Variants in RABGAP1L observed in about 807,000 individuals in gnomAD.
The protein encoded by RABGAP1L is rab GTPase-activating protein 1-like.
RABGAP1L carries 63 observed loss-of-function variants against 137.7 expected under a neutral mutation model. The ratio of observed to expected loss-of-function variants is 0.46; its 90% confidence interval spans 0.37 to 0.56. The LOEUF (loss-of-function observed/expected upper bound fraction) is 0.56. Among genes scored for constraint, RABGAP1L ranks in the 20% least tolerant of loss-of-function variants. The probability of loss-of-function intolerance (pLI) is 0.00; values close to 1 mark genes in which losing one functional copy is unlikely to be tolerated. For synonymous variants in RABGAP1L, 431 were observed against 433.7 expected, an observed-to-expected ratio of 0.99 and a Z score of 0.08; for missense variants, 1,095 against 1,244.0, an observed-to-expected ratio of 0.88 and a Z score of 1.80.
intron 13 of RABGAP1L, among the ~76,000 whole-genome samples, chr1:174,580,912 A>G (rs189887050): frequency 1.0e-3 from 156 of 152,354 alleles, no homozygotes; most frequent in African/African-American, 3.4e-3. Flanking sequence ...ACAAATGGCC[A>G]GCTAGCACAT....
chr1:174,675,533 GCTTTGTT>G (rs1161260112), intron 14 of RABGAP1L, among the ~76,000 whole-genome samples: 2 of 151,656 alleles, frequency 1.3e-5, no homozygotes, highest in Non-Finnish European at 2.9e-5. Flanking sequence ...GATGCCTCCA[GCTTTGTT>G]CTTTTGGCTT....
chr1:174,396,303 A>G (rs980877279), intron 13 of RABGAP1L, among the ~76,000 whole-genome samples: 1 of 152,106 alleles, frequency 6.6e-6, no homozygotes, highest in African/African-American at 2.4e-5. Flanking sequence ...ACACTTCTAA[A>G]TGGTGAATTT....
At chr1:174,297,657 A>C (rs1206586622) in intron 10 of RABGAP1L, among the ~76,000 whole-genome samples, 1 of 152,206 alleles carries the variant, frequency 6.6e-6, no homozygotes, top group Non-Finnish European at 1.5e-5. Flanking sequence ...GGGAAATGGC[A>C]GAGCTCCCTC....
intron 13 of RABGAP1L, among the ~76,000 whole-genome samples, chr1:174,537,343 C>T (rs6668096): frequency 3.4e-4 from 52 of 151,884 alleles, no homozygotes; most frequent in Non-Finnish European, 6.2e-4. Context: ...ACCTATGCTG[C>T]GTATAAAGGA....
At chr1:174,989,778 C>T in intron 25 of RABGAP1L, 71 bp from the exon 26 acceptor site, 1 of 1,484,802 alleles carries the variant, frequency 6.7e-7, no homozygotes, top group Non-Finnish European at 9.1e-7. Context: ...CAAAAAGCTG[C>T]ACACTTTTAT....
chr1:174,572,767 A>G (rs1188457048), intron 13 of RABGAP1L, among the ~76,000 whole-genome samples: 1 of 152,202 alleles, frequency 6.6e-6, no homozygotes, highest in Non-Finnish European at 1.5e-5. Context: ...AACTCAAGAA[A>G]AAGGATGCAC....
At chr1:174,197,004 G>A (rs1667739355) in intron 1 of RABGAP1L, among the ~76,000 whole-genome samples, 2 of 152,112 alleles carry the variant, frequency 1.3e-5, no homozygotes, top group Non-Finnish European at 1.5e-5. Flanking sequence ...AAAAATGAAA[G>A]GTGGCAATAT....
intron 13 of RABGAP1L, among the ~76,000 whole-genome samples, chr1:174,430,215 C>G (rs1652458638): frequency 6.6e-6 from 1 of 151,954 alleles, no homozygotes; most frequent in Non-Finnish European, 1.5e-5. Flanking sequence ...AACTCCATCT[C>G]TACAAAAAAT....
intron 1 of RABGAP1L, among the ~76,000 whole-genome samples, chr1:174,205,979 GAT>G (rs918791443): frequency 6.6e-6 from 1 of 152,166 alleles, no homozygotes; most frequent in Non-Finnish European, 1.5e-5. Context: ...ATGACTCAGG[GAT>G]ATGACTTGGT....
chr1:174,715,876 C>G (rs1680960709), intron 17 of RABGAP1L, among the ~76,000 whole-genome samples: 1 of 152,162 alleles, frequency 6.6e-6, no homozygotes, highest in Non-Finnish European at 1.5e-5. Context: ...CCTGATGCTC[C>G]TGGTATTCTT....
intron 19 of RABGAP1L, among the ~76,000 whole-genome samples, chr1:174,938,202 A>G (rs562430246): frequency 3.5e-4 from 54 of 152,188 alleles, no homozygotes; most frequent in Non-Finnish European, 7.1e-4. Context: ...ACTTGAATTC[A>G]GGTGATTTGG....
intron 17 of RABGAP1L, among the ~76,000 whole-genome samples, chr1:174,743,265 C>T (rs1683596151): frequency 6.6e-6 from 1 of 152,092 alleles, no homozygotes; most frequent in Non-Finnish European, 1.5e-5. Flanking sequence ...ATGAGGGGCC[C>T]TCATCTCATT....
intron 14 of RABGAP1L, among the ~76,000 whole-genome samples, chr1:174,649,848 T>C (rs1675311460): frequency 1.3e-5 from 2 of 152,160 alleles, no homozygotes; most frequent in South Asian, 4.1e-4. Context: ...CTGATTGCCC[T>C]GGCCAGAACT....
intron 13 of RABGAP1L, among the ~76,000 whole-genome samples, chr1:174,598,797 G>A (rs1038222257): frequency 4.0e-5 from 6 of 151,314 alleles, no homozygotes; most frequent in African/African-American, 1.5e-4. Context: ...TGTCTTTATT[G>A]ATGAAATATT....
chr1:174,398,463 T>G (rs1364953710), intron 13 of RABGAP1L, among the ~76,000 whole-genome samples: 1 of 152,084 alleles, frequency 6.6e-6, no homozygotes, highest in Non-Finnish European at 1.5e-5. Context: ...ATCATCTGAT[T>G]AACATAAACT....
intron 11 of RABGAP1L, among the ~76,000 whole-genome samples, chr1:174,349,046 G>GC (rs1203026353): frequency 1.8e-4 from 16 of 87,474 alleles, no homozygotes; most frequent in African/African-American, 4.6e-4. Context: ...TGGCCGGGCG[G>GC]GGGGGGGGCT....
At chr1:174,710,576 A>G (rs1166860570) in intron 17 of RABGAP1L, among the ~76,000 whole-genome samples, 1 of 152,208 alleles carries the variant, frequency 6.6e-6, no homozygotes, top group Non-Finnish European at 1.5e-5. Flanking sequence ...CAGCCAAACT[A>G]AGCTTCATAA....
intron 18 of RABGAP1L, among the ~76,000 whole-genome samples, chr1:174,766,318 C>T (rs1260102456): frequency 6.6e-6 from 1 of 152,226 alleles, no homozygotes; most frequent in African/African-American, 2.4e-5. Flanking sequence ...TCCTTTAGCA[C>T]ATGGCTATCT....
At chr1:174,478,111 A>T (rs1029511345) in intron 13 of RABGAP1L, among the ~76,000 whole-genome samples, 2 of 151,826 alleles carry the variant, frequency 1.3e-5, no homozygotes, top group Non-Finnish European at 2.9e-5. Flanking sequence ...GTATATGCAT[A>T]TTACCTTCTA....
Sources: allele counts gnomAD v4.1 joint callset (sites outside exome capture counted in the v4.1 genomes callset), GRCh38; gene constraint gnomAD v4.1.1; transcripts MANE v1.5; gene names NCBI Gene and HGNC (gene_info 2026-07-23, HGNC 2026-07-21).